Variants in LMF1 observed in about 807,000 individuals in gnomAD.
LMF1 encodes lipase maturation factor 1, also known as transmembrane protein 112.
LMF1 carries 68 observed loss-of-function variants against 60.6 expected under a neutral mutation model. The ratio of observed to expected loss-of-function variants is 1.12; its 90% CI spans 0.92 to 1.37. The LOEUF (loss-of-function observed/expected upper bound fraction) is 1.37. Ranked by LOEUF, LMF1 falls within the 40% of genes most tolerant of loss-of-function variation. The pLI is 0.00. For synonymous variants in LMF1, 418 were observed against 324.7 expected (o/e 1.29, Z -3.09); for missense variants, 948 against 767.2 (o/e 1.24, Z -2.78).
chr16:931,914 A>C lies in LMF1; in HGVS notation c.514+2330T>G, dbSNP rs192066780. 1,166 of 778,814 alleles carry C rather than the reference A, an allele frequency of 1.5e-3. 14 individuals are homozygous for C. The African/African-American group carries it at 0.019, about 13-fold the overall frequency. The allele number at this position is 778,814 out of a possible 1,614,324, so 48.2% of individuals were successfully genotyped here. On this transcript the variant is annotated intron_variant, in intron 3 of 10. Transcript: ENST00000262301. ...TACAATTACCACCTGCTACCGAAGA[A>C]TCAGTTAGAATGTATGACGCTCACC...
At chr16:885,629 T>G (rs1227200745) in intron 5 of LMF1, among the ~76,000 whole-genome samples, 1 of 152,162 alleles carries the variant, frequency 6.6e-6, no homozygotes, top group African/African-American at 2.4e-5. Flanking sequence ...GCAGAGAATA[T>G]GATCAGCAGT....
At chr16:975,730 T>C (rs536697668), upstream of LMF1, 84 of 442,896 alleles carry the variant, frequency 1.9e-4, 1 homozygote, top group African/African-American at 1.5e-3. Context: ...TTCCCCACGC[T>C]CAGAAAAATA....
At chr16:926,374 T>C (rs2071603519) in intron 3 of LMF1, among the ~76,000 whole-genome samples, 1 of 152,246 alleles carries the variant, frequency 6.6e-6, no homozygotes, top group Non-Finnish European at 1.5e-5. Context: ...GCATATGATC[T>C]GCATTGTGTC....
In LMF1 at chr16:970,871, G is replaced by T; in HGVS notation, c.110C>A (p.Pro37His). 1 of 1,567,486 alleles carries T rather than the reference G, an allele frequency of 6.4e-7. No homozygotes were observed. The highest frequency in any genetic ancestry group is 2.4e-5 in the East Asian group (1 of 41,254). ...GTGGAGATGGGCCGGAGAGCCTGCG[G>T]GGCCACGCCCCGGCGCGGGCGGCGA... ...PESPPAPGRG[P>H]AGSPAHLHTG... Residue 37 changes from proline to histidine, a missense_variant, in exon 1 of 11, where the codon CCC (proline) becomes CAC (histidine). By Grantham distance (77) the Pro-to-His change is moderately conservative. Coordinates refer to ENST00000262301, the MANE Select transcript of LMF1 (RefSeq NM_022773.4).
Position 853,773 on chromosome 16 carries a change from CT to C in LMF1, c.*758del, listed in dbSNP as rs543404301. ...ATGAAAGTGTGCACGGCCGGCTGTC[CT>C]CCGATTGAGGGGCCTTGTCAAGGCC... On this transcript the variant is annotated 3_prime_UTR_variant, in exon 11 of 11. Coordinates refer to ENST00000262301, the MANE Select transcript of LMF1 (RefSeq NM_022773.4). The C allele has an allele frequency of 1.0e-4, 47 of 454,130 alleles. No individual in the cohort carries two copies. Among genetic ancestry groups the C allele is most frequent in the African/African-American group, 8.4e-4 (42 of 50,132 alleles). The allele number at this position is 454,130 out of a possible 1,614,324, so 28.1% of individuals were successfully genotyped here. A position where few individuals can be genotyped will look rare whatever the true frequency, so the allele number is the denominator to read the frequency against.
intron 1 of LMF1, among the ~76,000 whole-genome samples, chr16:977,655 G>A (rs1425360901): frequency 1.3e-5 from 2 of 151,594 alleles, no homozygotes; most frequent in Non-Finnish European, 2.9e-5. Flanking sequence ...GCTGCCTGCC[G>A]CAGGAGGAGG....
intron 3 of LMF1, among the ~76,000 whole-genome samples, chr16:916,641 G>A (rs904182021): frequency 1.3e-5 from 2 of 152,210 alleles, no homozygotes; most frequent in African/African-American, 4.8e-5. Context: ...GGGACACCAG[G>A]TGGCCTTGTC....
chr16:939,143 AAT>A (rs1412147681), intron 2 of LMF1, among the ~76,000 whole-genome samples: 1 of 152,230 alleles, frequency 6.6e-6, no homozygotes, highest in Non-Finnish European at 1.5e-5. Flanking sequence ...AACCAAGAAA[AAT>A]AACTTGGCAG....
chr16:934,807 C>T (rs904481705), intron 2 of LMF1, among the ~76,000 whole-genome samples: 6 of 152,194 alleles, frequency 3.9e-5, no homozygotes, highest in Admixed American at 1.3e-4. Flanking sequence ...GGCAGAGCCG[C>T]GGGAAAGCAA....
At chr16:945,628 G>A (rs990685703) in intron 2 of LMF1, among the ~76,000 whole-genome samples, 3 of 152,136 alleles carry the variant, frequency 2.0e-5, no homozygotes, top group Admixed American at 6.5e-5. Flanking sequence ...GGTTAAGAAC[G>A]GAAAGGGTCA....
At chr16:947,184 G>A (rs565566947) in intron 2 of LMF1, among the ~76,000 whole-genome samples, 5 of 152,210 alleles carry the variant, frequency 3.3e-5, no homozygotes, top group African/African-American at 7.2e-5. Flanking sequence ...TGTGGCAACT[G>A]CCACCCCTCC....
chr16:886,270 G>A (rs982391126), intron 5 of LMF1, among the ~76,000 whole-genome samples: 7 of 152,162 alleles, frequency 4.6e-5, no homozygotes, highest in Admixed American at 3.9e-4. Flanking sequence ...GCTGTCCTTG[G>A]CTGCGTGGGT....
intron 3 of LMF1, among the ~76,000 whole-genome samples, chr16:928,146 A>G (rs2071664412): frequency 6.6e-6 from 1 of 152,202 alleles, no homozygotes; most frequent in South Asian, 2.1e-4. Context: ...CGTGGCTCAC[A>G]CAGGAGCGCC....
At chr16:895,131 CT>C (rs1452493301) in intron 4 of LMF1, among the ~76,000 whole-genome samples, 1 of 152,194 alleles carries the variant, frequency 6.6e-6, no homozygotes, top group Non-Finnish European at 1.5e-5. Context: ...CTGCGGGAGA[CT>C]GGCCTCCAGA....
chr16:888,794 G>C (rs1267164137), intron 5 of LMF1, among the ~76,000 whole-genome samples: 2 of 152,180 alleles, frequency 1.3e-5, no homozygotes, highest in Non-Finnish European at 2.9e-5. Flanking sequence ...ACCACATCTG[G>C]GGTGGGGTTT....
intron 3 of LMF1, chr16:933,133 C>T (rs1478461530): frequency 2.6e-5 from 4 of 152,240 alleles, no homozygotes; most frequent in Non-Finnish European, 4.4e-5. Context: ...GACGCAAGCA[C>T]GCAGAGCCGC....
intron 6 of LMF1, among the ~76,000 whole-genome samples, chr16:875,970 G>A (rs914064470): frequency 1.3e-5 from 2 of 152,068 alleles, no homozygotes; most frequent in African/African-American, 4.8e-5. Context: ...CAGGAATCCT[G>A]GAACACACCC....
chr16:909,382 A>G (rs1425594230), intron 4 of LMF1, among the ~76,000 whole-genome samples: 1 of 152,186 alleles, frequency 6.6e-6, no homozygotes, highest in Non-Finnish European at 1.5e-5. Flanking sequence ...ATGGGCCCAG[A>G]CAGCCCCTCA....
At chr16:886,451 G>C (rs56174538) in intron 5 of LMF1, among the ~76,000 whole-genome samples, 21,501 of 151,150 alleles carry the variant, frequency 0.14, 1,815 homozygotes, top group East Asian at 0.28. Context: ...GTGATGCCAG[G>C]GCACGGGCCT....
Sources: allele counts gnomAD v4.1 joint callset (sites outside exome capture counted in the v4.1 genomes callset), GRCh38; gene constraint gnomAD v4.1.1; transcripts MANE v1.5; gene names NCBI Gene and HGNC (gene_info 2026-07-23, HGNC 2026-07-21).